PEX7: variants seen among roughly 807,000 people sequenced by gnomAD.
PEX7 encodes the protein peroxisomal biogenesis factor 7, also known as PTS2 receptor.
PEX7 carries 34 observed loss-of-function variants against 47.5 expected under a neutral mutation model. The ratio of observed to expected loss-of-function variants is 0.72; its 90% CI spans 0.54 to 0.95. The LOEUF is 0.95. PEX7 is among the 40% of genes least tolerant of loss of function. The probability of loss-of-function intolerance (pLI) is 0.00; values close to 1 mark genes in which losing one functional copy is unlikely to be tolerated. For synonymous variants in PEX7, 141 were observed against 148.8 expected (o/e 0.95, Z 0.38); for missense variants, 394 against 400.3 (o/e 0.98, Z 0.13).
intron 8 of PEX7, among the ~76,000 whole-genome samples, chr6:136,887,139 A>G (rs1038383961): frequency 1.3e-5 from 2 of 152,162 alleles, no homozygotes; most frequent in African/African-American, 4.8e-5. Context: ...ATTATGTATT[A>G]CCTACACACA....
chr6:136,840,678 G>T (rs183837788), intron 3 of PEX7, among the ~76,000 whole-genome samples: 2 of 152,344 alleles, frequency 1.3e-5, no homozygotes, highest in East Asian at 3.9e-4. Context: ...GGTAACTTAT[G>T]GTTGATGGTT....
chr6:136,877,054 C>T (rs1335011982), intron 8 of PEX7, among the ~76,000 whole-genome samples: 5 of 152,176 alleles, frequency 3.3e-5, no homozygotes, highest in Non-Finnish European at 7.4e-5. Flanking sequence ...GGTGGTATCT[C>T]ATTGTGGTTT....
At chr6:136,891,281 A>G (rs940824198) in intron 8 of PEX7, among the ~76,000 whole-genome samples, 4 of 152,192 alleles carry the variant, frequency 2.6e-5, no homozygotes, top group African/African-American at 9.7e-5. Context: ...TCTCTAAAAT[A>G]CTGATCTGAT....
chr6:136,835,434 G>A, intron 3 of PEX7, among the ~76,000 whole-genome samples: 1 of 151,778 alleles, frequency 6.6e-6, no homozygotes. Flanking sequence ...GATTATAGGT[G>A]TGTGCCACCG....
At chr6:136,848,961 G>GCTGTCTGGTTCGGCTGT (rs1300117629) in intron 5 of PEX7, among the ~76,000 whole-genome samples, 7 of 152,084 alleles carry the variant, frequency 4.6e-5, no homozygotes, top group Admixed American at 4.6e-4. Flanking sequence ...GTAGAATTCG[G>GCTGTCTGGTTCGGCTGT]CTGTGAATCT....
chr6:136,901,110 GA>G (rs1385117244), intron 9 of PEX7: 1 of 162,456 alleles, frequency 6.2e-6, no homozygotes, highest in Non-Finnish European at 1.4e-5. Flanking sequence ...GTTGCTTCAA[GA>G]TAGCAGGGGC....
intron 8 of PEX7, among the ~76,000 whole-genome samples, chr6:136,874,578 G>GGA (rs1562747874): frequency 2.6e-5 from 4 of 151,176 alleles, no homozygotes; most frequent in African/African-American, 7.3e-5. Flanking sequence ...AGGCTGAGGT[G>GGA]GAATTGCTTG....
At chr6:136,848,207 C>T (rs1251630659) in intron 5 of PEX7, among the ~76,000 whole-genome samples, 1 of 152,196 alleles carries the variant, frequency 6.6e-6, no homozygotes, top group Non-Finnish European at 1.5e-5. Flanking sequence ...TATCCTGAGA[C>T]TTTGCTGAAG....
intron 3 of PEX7, among the ~76,000 whole-genome samples, chr6:136,839,611 C>G (rs568713359): frequency 7.2e-5 from 11 of 152,330 alleles, no homozygotes; most frequent in Admixed American, 2.6e-4. Context: ...CTGCATATCT[C>G]TCTTCCTTTT....
intron 8 of PEX7, among the ~76,000 whole-genome samples, chr6:136,888,804 G>A (rs143402715): frequency 2.6e-3 from 400 of 152,104 alleles, no homozygotes; most frequent in African/African-American, 9.2e-3. Flanking sequence ...ATTTTAATGT[G>A]GTTTCCACTT....
At chr6:136,897,010 A>G (rs1049502751) in intron 8 of PEX7, among the ~76,000 whole-genome samples, 1 of 152,240 alleles carries the variant, frequency 6.6e-6, no homozygotes, top group Middle Eastern at 3.2e-3. Flanking sequence ...TTGAACAGGC[A>G]AATTTTCAAA....
At chr6:136,896,923 A>G (rs1775662646) in intron 8 of PEX7, among the ~76,000 whole-genome samples, 1 of 152,208 alleles carries the variant, frequency 6.6e-6, no homozygotes, top group African/African-American at 2.4e-5. Context: ...CTAGAATTCA[A>G]AGAAACAAAT....
In PEX7 at chr6:136,822,815, C is replaced by T. The variant is rs1774104024; in HGVS notation, c.130+20C>T. The T allele has an allele frequency of 7.9e-7, 1 of 1,258,024 alleles. No homozygotes were observed. Among genetic ancestry groups the T allele is most frequent in the East Asian group, 3.3e-5 (1 of 30,012 alleles). 77.9% of individuals were successfully genotyped at this position (1,258,024 alleles called of 1,614,324 possible). ...TCGCGGGTGAGGCGGCGCCGCGCAGCTGGGGCCGGGGGGCGGAGGCGGAGG... is the reference window on the plus strand; with the variant it reads ...TCGCGGGTGAGGCGGCGCCGCGCAGTTGGGGCCGGGGGGCGGAGGCGGAGG... On this transcript the variant is annotated intron_variant, in intron 1 of 9. Coordinates refer to ENST00000318471, the MANE Select transcript of PEX7 (RefSeq NM_000288.4).
chr6:136,888,668 G>A (rs1775507753), intron 8 of PEX7, among the ~76,000 whole-genome samples: 1 of 152,068 alleles, frequency 6.6e-6, no homozygotes, highest in Non-Finnish European at 1.5e-5. Context: ...CTGTTTTATT[G>A]TTTTGTCCCT....
chr6:136,849,686 GT>G (rs1774700463), intron 5 of PEX7, among the ~76,000 whole-genome samples: 1 of 152,152 alleles, frequency 6.6e-6, no homozygotes, highest in African/African-American at 2.4e-5. Context: ...TTAATCCTGA[GT>G]TCTAGTTTGA....
chr6:136,878,688 GTATA>G (rs1416028798), intron 8 of PEX7, among the ~76,000 whole-genome samples: 1 of 151,994 alleles, frequency 6.6e-6, no homozygotes, highest in Non-Finnish European at 1.5e-5. Context: ...TTTGTATAGA[GTATA>G]TATTAGGATC....
chr6:136,910,656 A>G (rs1378853573), intron 9 of PEX7, among the ~76,000 whole-genome samples: 1 of 152,256 alleles, frequency 6.6e-6, no homozygotes, highest in Non-Finnish European at 1.5e-5. Flanking sequence ...ATTGGCTATC[A>G]CTATTCAAAA....
chr6:136,872,591 C>T (rs1775202481), intron 8 of PEX7, among the ~76,000 whole-genome samples: 1 of 152,054 alleles, frequency 6.6e-6, no homozygotes, highest in Non-Finnish European at 1.5e-5. Context: ...TGCATTTCTT[C>T]AGGTCTAATT....
intron 3 of PEX7, among the ~76,000 whole-genome samples, chr6:136,844,544 TTCAG>T (rs1774560752): frequency 6.6e-6 from 1 of 152,164 alleles, no homozygotes; most frequent in Non-Finnish European, 1.5e-5. Flanking sequence ...ATTTCAAGTA[TTCAG>T]TAATACATTA....
Sources: gnomAD v4.1 joint callset for allele counts (sites outside exome capture counted in the v4.1 genomes callset) on GRCh38, gnomAD v4.1.1 for gene constraint, MANE v1.5 for transcripts, NCBI Gene and HGNC (gene_info 2026-07-23, HGNC 2026-07-21) for gene names.